The following ARID4A variants were observed in gnomAD, a reference collection of about 807,000 sequenced individuals.
The protein encoded by ARID4A is AT-rich interactive domain-containing protein 4A.
In ARID4A, 39 loss-of-function variants were observed where a neutral mutation model predicts 148.6. The observed-to-expected ratio is 0.26, with a 90% CI of 0.20 to 0.34. The LOEUF (loss-of-function observed/expected upper bound fraction) is 0.34. Among genes scored for constraint, ARID4A ranks in the 10% least tolerant of loss-of-function variants. The pLI is 1.00. For missense variants in ARID4A, 1,265 were observed against 1,449.1 expected, an observed-to-expected ratio of 0.87 and a Z score of 2.06; for synonymous variants, 475 against 481.2, an observed-to-expected ratio of 0.99 and a Z score of 0.17.
chr14:58,312,511 C>T (rs764553510), intron 5 of ARID4A, among the ~76,000 whole-genome samples: 10 of 151,962 alleles, frequency 6.6e-5, no homozygotes, highest in East Asian at 1.9e-4. Flanking sequence ...CCTCCGTGCC[C>T]GGTGAAATAA....
chr14:58,347,576 T>G, intron 14 of ARID4A, 71 bp from the exon 15 acceptor site: 1 of 1,214,760 alleles, frequency 8.2e-7, no homozygotes, highest in East Asian at 2.5e-5. Context: ...TTTAAAAATG[T>G]GTTTAATAAC....
intron 8 of ARID4A, among the ~76,000 whole-genome samples, chr14:58,325,057 G>GT (rs763185054): frequency 3.9e-5 from 6 of 152,138 alleles, no homozygotes; most frequent in Non-Finnish European, 7.4e-5. Context: ...GGATGGGTTG[G>GT]TAGAGAAAGC....
intron 14 of ARID4A, 89 bp from the exon 15 acceptor site, chr14:58,347,558 C>A: frequency 9.4e-7 from 1 of 1,058,712 alleles, no homozygotes; most frequent in Non-Finnish European, 1.3e-6. Context: ...AATTACTGGG[C>A]TTTACTTTTT....
At chr14:58,354,605 C>T (rs2034787173) in intron 17 of ARID4A, among the ~76,000 whole-genome samples, 1 of 151,612 alleles carries the variant, frequency 6.6e-6, no homozygotes, top group African/African-American at 2.4e-5. Flanking sequence ...ATCACTGGAG[C>T]CCAGGAGTTG....
intron 8 of ARID4A, among the ~76,000 whole-genome samples, chr14:58,325,901 A>G (rs953322162): frequency 1.3e-5 from 2 of 151,936 alleles, no homozygotes; most frequent in African/African-American, 4.8e-5. Context: ...CAGATTTATC[A>G]TTTACCAGGG....
intron 5 of ARID4A, among the ~76,000 whole-genome samples, chr14:58,307,739 G>C (rs748392448): frequency 2.6e-5 from 4 of 152,216 alleles, no homozygotes; most frequent in Non-Finnish European, 5.9e-5. Flanking sequence ...AGAATCGCTT[G>C]AATCTGGGAG....
At chr14:58,352,305 T>TA (rs1451252703) in intron 16 of ARID4A, among the ~76,000 whole-genome samples, 2 of 151,786 alleles carry the variant, frequency 1.3e-5, no homozygotes, top group African/African-American at 2.4e-5. Context: ...GGTTAGTGAG[T>TA]AAAAAAAAGT....
chr14:58,303,513 T>C (rs779827700), intron 3 of ARID4A: 2 of 470,938 alleles, frequency 4.2e-6, no homozygotes, highest in South Asian at 3.1e-5. Flanking sequence ...TTTATTCACT[T>C]ATATATCTGA....
At chr14:58,313,190 G>GAT (rs1431230830) in intron 5 of ARID4A, among the ~76,000 whole-genome samples, 1 of 152,166 alleles carries the variant, frequency 6.6e-6, no homozygotes, top group Admixed American at 6.6e-5. Context: ...ATAGATAGAT[G>GAT]ATAGATAGAC....
At chr14:58,300,951 T>C (rs1206013207) in intron 2 of ARID4A, among the ~76,000 whole-genome samples, 1 of 152,212 alleles carries the variant, frequency 6.6e-6, no homozygotes, top group African/African-American at 2.4e-5. Flanking sequence ...AGATGTTTCT[T>C]AGTAACGCTT....
intron 8 of ARID4A, 125 bp downstream of exon 8, chr14:58,323,742 A>T (rs1394598975): frequency 2.6e-6 from 2 of 778,330 alleles, no homozygotes; most frequent in East Asian, 5.4e-5. Context: ...GAGATTTTTT[A>T]ATTGAATAAT....
At chr14:58,300,608 C>T (rs2031070476) in intron 2 of ARID4A, among the ~76,000 whole-genome samples, 1 of 152,134 alleles carries the variant, frequency 6.6e-6, no homozygotes, top group South Asian at 2.1e-4. Flanking sequence ...TGAAATATAG[C>T]ATTTTCCCAA....
rs555492927 is a variant in ARID4A, at chr14:58,318,998, T to A, written c.449+193T>A. Reference sequence around the variant, plus strand: ...TTTGCCCAGGAATGATAACAACTCTTACTTCTAATAGATTATTTTTGTTTT... The same window carrying A: ...TTTGCCCAGGAATGATAACAACTCTAACTTCTAATAGATTATTTTTGTTTT... On this transcript the variant is annotated intron_variant, in intron 7 of 23. Coordinates refer to ENST00000355431, the MANE Select transcript of ARID4A (RefSeq NM_002892.4). Among the ~76,000 whole-genome samples the A allele has an allele frequency of 3.9e-5, 6 of 152,372 alleles. No homozygotes were observed. In the South Asian group the frequency reaches 1.2e-3, roughly 32 times the overall value.
intron 11 of ARID4A, among the ~76,000 whole-genome samples, chr14:58,338,839 G>A (rs546116393): frequency 1.1e-4 from 16 of 151,422 alleles, no homozygotes; most frequent in African/African-American, 3.9e-4. Context: ...TGTGTCCAAA[G>A]TAACATTATT....
At chr14:58,317,647 T>TG (rs1879087644) in intron 5 of ARID4A, among the ~76,000 whole-genome samples, 1 of 145,768 alleles carries the variant, frequency 6.9e-6, no homozygotes, top group Admixed American at 6.9e-5. Context: ...TTTTTTTTTT[T>TG]TGAGACAGAA....
At chr14:58,337,246 T>TTA (rs57605969) in intron 11 of ARID4A, among the ~76,000 whole-genome samples, 4,551 of 83,788 alleles carry the variant, frequency 0.054, 559 homozygotes, top group Middle Eastern at 0.1. Context: ...TTCTCTTTAT[T>TTA]TATATATATA....
chr14:58,365,948 A>G, intron 21 of ARID4A, 76 bp from the exon 22 acceptor site: 1 of 1,209,780 alleles, frequency 8.3e-7, no homozygotes, highest in South Asian at 1.5e-5. Context: ...CAAGAAATGT[A>G]ATTGTTAGGT....
chr14:58,322,833 G>T (rs2032977998), intron 7 of ARID4A, among the ~76,000 whole-genome samples: 1 of 151,216 alleles, frequency 6.6e-6, no homozygotes. Context: ...GTGGTGGCAT[G>T]CGCCTGTAAT....
intron 11 of ARID4A, among the ~76,000 whole-genome samples, chr14:58,339,362 T>C (rs909133095): frequency 1.3e-5 from 2 of 152,124 alleles, no homozygotes; most frequent in South Asian, 2.1e-4. Context: ...ATACACAGTA[T>C]AGGGAAACCA....
Sources: gnomAD v4.1 joint callset for allele counts (sites outside exome capture counted in the v4.1 genomes callset) on GRCh38, gnomAD v4.1.1 for gene constraint, MANE v1.5 for transcripts, NCBI Gene and HGNC (gene_info 2026-07-23, HGNC 2026-07-21) for gene names.